SMAP1: variants seen among roughly 807,000 people sequenced by gnomAD.
The protein encoded by SMAP1 is small ArfGAP 1, also known as stromal membrane-associated protein 1.
SMAP1 carries 24 observed loss-of-function variants against 58.5 expected under a neutral mutation model. The observed-to-expected ratio is 0.41, with a 90% confidence interval of 0.30 to 0.58. The LOEUF (loss-of-function observed/expected upper bound fraction) is 0.58, where lower values mean the gene tolerates loss of function less well. SMAP1 is among the 20% of genes least tolerant of loss of function. SMAP1 has a pLI of 0.29. For synonymous variants in SMAP1, 216 were observed against 196.6 expected (o/e 1.10, Z -0.82); for missense variants, 563 against 566.3 (o/e 0.99, Z 0.06).
chr6:70,702,432 A>G (rs1767671755), intron 1 of SMAP1, among the ~76,000 whole-genome samples: 1 of 151,432 alleles, frequency 6.6e-6, no homozygotes. Context: ...GATAGTTGCT[A>G]TTGCTTTGTC....
At chr6:70,698,364 A>T (rs1302267625) in intron 1 of SMAP1, among the ~76,000 whole-genome samples, 1 of 152,022 alleles carries the variant, frequency 6.6e-6, no homozygotes, top group Non-Finnish European at 1.5e-5. Context: ...TGGTAATTAA[A>T]TGTCTCGAGG....
chr6:70,858,285 ATC>A lies in SMAP1; in HGVS notation c.1269+58_1269+59del, dbSNP rs1771525088. 1,040 of 1,018,948 alleles carry A rather than the reference ATC, an allele frequency of 1.0e-3. 1 individual carries two copies. Among genetic ancestry groups the A allele is most frequent in the East Asian group, 1.5e-3 (46 of 31,066 alleles). The allele number at this position is 1,018,948 out of a possible 1,614,324, so 63.1% of individuals were successfully genotyped here. On this transcript the variant is annotated intron_variant, in intron 10 of 10. Transcript: ENST00000370455. The stretch of plus-strand genomic sequence containing the variant: ...AAATCAAACCAGATTTATTTTCTAA[ATC>A]TTTTTTTTTTTTTTTTTTTTTTTTT...
intron 1 of SMAP1, among the ~76,000 whole-genome samples, chr6:70,708,095 T>C (rs911143638): frequency 2.0e-5 from 3 of 152,192 alleles, no homozygotes; most frequent in African/African-American, 7.2e-5. Context: ...GCTGTAAATT[T>C]GTACCCTTTG....
chr6:70,685,722 T>C (rs1766908860), intron 1 of SMAP1, among the ~76,000 whole-genome samples: 1 of 152,152 alleles, frequency 6.6e-6, no homozygotes. Flanking sequence ...GTTATCGGCA[T>C]AGAAGTGTTT....
intron 2 of SMAP1, among the ~76,000 whole-genome samples, chr6:70,753,440 T>G (rs574454190): frequency 6.6e-6 from 1 of 152,298 alleles, no homozygotes; most frequent in South Asian, 2.1e-4. Flanking sequence ...TCCAAATGTT[T>G]AATGTCTTTA....
chr6:70,768,278 G>T lies in SMAP1; in HGVS notation c.339-5072G>T, dbSNP rs548325995. Among the ~76,000 whole-genome samples the T allele has an allele frequency of 1.9e-3, 284 of 152,324 alleles. 2 individuals are homozygous for T. The highest frequency in any genetic ancestry group is 6.5e-3 in the African/African-American group (271 of 41,566). On this transcript the variant is annotated intron_variant, in intron 3 of 10. Coordinates refer to ENST00000370455, the MANE Select transcript of SMAP1 (RefSeq NM_001044305.3). ...TGCTGACCTCATAAAATGAGTTAGG[G>T]AGGATTCCCTCTTTTTCTATTGATT...
chr6:70,822,918 G>C (rs1405262056), intron 6 of SMAP1, among the ~76,000 whole-genome samples: 1 of 151,534 alleles, frequency 6.6e-6, no homozygotes, highest in East Asian at 1.9e-4. Flanking sequence ...CCTCAGCTGT[G>C]TCCAGTCTCC....
intron 1 of SMAP1, among the ~76,000 whole-genome samples, chr6:70,728,718 A>T (rs574797942): frequency 2.6e-5 from 4 of 152,350 alleles, no homozygotes; most frequent in African/African-American, 9.6e-5. Context: ...GGAGATAAAT[A>T]TTTCCTATAA....
intron 2 of SMAP1, among the ~76,000 whole-genome samples, chr6:70,754,249 A>C (rs1451401951): frequency 6.6e-6 from 1 of 152,140 alleles, no homozygotes; most frequent in East Asian, 1.9e-4. Context: ...TTAAGGAAGT[A>C]CTGTTTGCAT....
chr6:70,726,356 CA>C (rs1354305131), intron 1 of SMAP1, among the ~76,000 whole-genome samples: 1 of 152,072 alleles, frequency 6.6e-6, no homozygotes, highest in Non-Finnish European at 1.5e-5. Context: ...ACAGAACATA[CA>C]GAGATCAATA....
At chr6:70,804,500 A>G (rs1355141160) in intron 6 of SMAP1, among the ~76,000 whole-genome samples, 2 of 151,796 alleles carry the variant, frequency 1.3e-5, no homozygotes, top group Non-Finnish European at 2.9e-5. Context: ...ATTTACGTTT[A>G]AGTTTAATAT....
intron 1 of SMAP1, among the ~76,000 whole-genome samples, chr6:70,700,407 T>C (rs548553340): frequency 5.1e-4 from 77 of 152,324 alleles, no homozygotes; most frequent in African/African-American, 1.6e-3. Context: ...CAAGCGATTC[T>C]TGTGCCTCAG....
At chr6:70,699,124 A>G (rs1315660387) in intron 1 of SMAP1, among the ~76,000 whole-genome samples, 1 of 152,174 alleles carries the variant, frequency 6.6e-6, no homozygotes, top group Non-Finnish European at 1.5e-5. Flanking sequence ...GGGGACCCAG[A>G]CCCAGTAACA....
chr6:70,787,924 A>G (rs1226869500), intron 4 of SMAP1, among the ~76,000 whole-genome samples: 2 of 151,994 alleles, frequency 1.3e-5, no homozygotes, highest in Non-Finnish European at 2.9e-5. Flanking sequence ...TAGAAATACC[A>G]TTTGACCCAG....
rs1295731312 is a variant in SMAP1, at chr6:70,860,570, T to G, written c.*236T>G. ...TGCTCATATTTCCCATGATTTCATG[T>G]ACTGCATTATTTGAGAAGCTGCTCA... On this transcript the variant is annotated 3_prime_UTR_variant, in exon 11 of 11. Transcript: ENST00000370455. 1 of 447,240 alleles carries G rather than the reference T, an allele frequency of 2.2e-6. No homozygotes were observed. The highest frequency in any genetic ancestry group is 3.9e-6 in the Non-Finnish European group (1 of 259,244). 27.7% of individuals were successfully genotyped at this position (447,240 alleles called of 1,614,324 possible).
In SMAP1 at chr6:70,721,481, A is replaced by T. The variant is rs183651430; in HGVS notation, c.119-10897A>T. On this transcript the variant is annotated intron_variant, in intron 1 of 10. Coordinates refer to ENST00000370455, the MANE Select transcript of SMAP1 (RefSeq NM_001044305.3). ...GGGCAAAGCCATTCAACAAGTCTCT[A>T]GGAGGTTCCAAACTTTCCCACATTT... is the stretch of plus-strand genomic sequence containing the variant. Among the ~76,000 whole-genome samples, 3 of 152,328 alleles carry T rather than the reference A, an allele frequency of 2.0e-5. No homozygotes were observed. In the East Asian group the frequency reaches 5.8e-4, roughly 29 times the overall value.
At chr6:70,854,623 GAA>G (rs879856735) in intron 8 of SMAP1, among the ~76,000 whole-genome samples, 3 of 142,474 alleles carry the variant, frequency 2.1e-5, no homozygotes, top group Non-Finnish European at 3.1e-5. Flanking sequence ...ACTTCGTCTG[GAA>G]AAAAAAAAAA....
chr6:70,788,300 T>G (rs1582189228), intron 4 of SMAP1, among the ~76,000 whole-genome samples: 1 of 68,400 alleles, frequency 1.5e-5, no homozygotes, highest in Non-Finnish European at 2.6e-5. Context: ...GGGACTGTTG[T>G]GGGGTGGGGG....
chr6:70,711,441 C>T (rs188896987), intron 1 of SMAP1, among the ~76,000 whole-genome samples: 2 of 151,060 alleles, frequency 1.3e-5, no homozygotes, highest in African/African-American at 2.4e-5. Flanking sequence ...TCTTTCAGAT[C>T]GATCACTATT....
Sources: gnomAD v4.1 joint callset for allele counts (sites outside exome capture counted in the v4.1 genomes callset) on GRCh38, gnomAD v4.1.1 for gene constraint, MANE v1.5 for transcripts, NCBI Gene and HGNC (gene_info 2026-07-23, HGNC 2026-07-21) for gene names.